TMEM245: variants seen among roughly 807,000 people sequenced by gnomAD.
TMEM245 encodes the protein protein CG-2.
A neutral mutation model predicts 101.2 loss-of-function variants in TMEM245; 69 were observed. The observed-to-expected ratio is 0.68, with a 90% CI of 0.56 to 0.83. The LOEUF is 0.83. Among genes scored for constraint, TMEM245 ranks in the 40% least tolerant of loss-of-function variants. The probability of loss-of-function intolerance (pLI) is 0.00; values close to 1 mark genes in which losing one functional copy is unlikely to be tolerated. For missense variants in TMEM245, 1,075 were observed against 1,092.8 expected (o/e 0.98, Z 0.23); for synonymous variants, 537 against 449.8 (o/e 1.19, Z -2.45).
rs112600664 is a variant in TMEM245, at chr9:109,038,360, T to C, written c.2124-243A>G. On this transcript the variant is annotated intron_variant, in intron 14 of 17. Coordinates refer to ENST00000374586, the MANE Select transcript of TMEM245 (RefSeq NM_032012.4). ...GGAAATATGTTTACTATTCCTTAAA[T>C]TTCTGATGAAAAAATAACTGAAACA... 170 of 300,598 alleles carry C rather than the reference T, an allele frequency of 5.7e-4. 1 individual carries two copies. The highest frequency in any genetic ancestry group is 3.4e-3 in the African/African-American group (157 of 46,202). 18.6% of individuals were successfully genotyped at this position (300,598 alleles called of 1,614,324 possible).
At chr9:109,105,928 C>A (rs1303755738) in intron 3 of TMEM245, among the ~76,000 whole-genome samples, 2 of 152,192 alleles carry the variant, frequency 1.3e-5, no homozygotes, top group Non-Finnish European at 2.9e-5. Context: ...ACATGCCAAC[C>A]ATGCCCAGCT....
chr9:109,085,931 G>C (rs1025071229), intron 7 of TMEM245, 66 bp downstream of exon 7: 1 of 1,544,290 alleles, frequency 6.5e-7, no homozygotes, highest in Non-Finnish European at 9.0e-7. Context: ...AACATAGAGT[G>C]AAAAAGGCGA....
chr9:109,099,134 C>T (rs1830218661), intron 3 of TMEM245, among the ~76,000 whole-genome samples: 1 of 152,186 alleles, frequency 6.6e-6, no homozygotes, highest in African/African-American at 2.4e-5. Context: ...TGCAAAGTTC[C>T]CTTTGAAGAA....
intron 7 of TMEM245, among the ~76,000 whole-genome samples, chr9:109,085,003 C>T (rs1829789819): frequency 1.3e-5 from 2 of 152,080 alleles, no homozygotes; most frequent in African/African-American, 4.8e-5. Context: ...TTTCTTAAGG[C>T]CTGATATAAT....
intron 14 of TMEM245, among the ~76,000 whole-genome samples, chr9:109,045,379 C>T (rs765404675): frequency 6.6e-6 from 1 of 152,162 alleles, no homozygotes; most frequent in Non-Finnish European, 1.5e-5. Context: ...AGGGGATGAG[C>T]TGCTTACGTG....
Position 109,090,227 on chromosome 9 carries a change from A to G in TMEM245, c.1150+695T>C, listed in dbSNP as rs557888040. 1.1e-4 allele frequency among the ~76,000 whole-genome samples: 17 copies of G among 151,752 alleles called. No homozygotes were observed. In the East Asian group the frequency reaches 2.9e-3, roughly 26 times the overall value. On this transcript the variant is annotated intron_variant, in intron 5 of 17. Coordinates refer to ENST00000374586, the MANE Select transcript of TMEM245 (RefSeq NM_032012.4). ...AGTGAGCTGAGATCGCGCCACTGCA[A>G]TCCAGCCTGGGTGACAGAGCGAGAC...
At chr9:109,027,700 T>TCG (rs1827829519) in intron 17 of TMEM245, among the ~76,000 whole-genome samples, 1 of 151,980 alleles carries the variant, frequency 6.6e-6, no homozygotes, top group South Asian at 2.1e-4. Flanking sequence ...AGACAGAGTC[T>TCG]CGCTCTGTTG....
intron 6 of TMEM245, among the ~76,000 whole-genome samples, 198 bp from the exon 7 acceptor site, chr9:109,086,218 A>G (rs1032485982): frequency 1.3e-5 from 2 of 152,214 alleles, no homozygotes; most frequent in Non-Finnish European, 2.9e-5. Flanking sequence ...AAGATATATA[A>G]TGATTGAAAT....
Position 109,090,929 on chromosome 9 carries a change from C to A in TMEM245, c.1143G>T (p.Pro381=). ...NLWIVQLLPV[P]IAVWILKKLV... The stretch of plus-strand genomic sequence containing the variant: ...ACTTAACCAGATAACGACCTGCAAT[C>A]GGCACTGGCAGCAACTGCACAATCC... Residue 381 remains proline, a synonymous_variant, in exon 5 of 18, where the codon CCG becomes CCT. Coordinates refer to ENST00000374586, the MANE Select transcript of TMEM245 (RefSeq NM_032012.4). The A allele has an allele frequency of 3.1e-6, 5 of 1,613,976 alleles. No homozygotes were observed. Among genetic ancestry groups the A allele is most frequent in the Admixed American group, 1.7e-5 (1 of 60,020 alleles).
At chr9:109,028,406 A>C (rs1827851743) in intron 17 of TMEM245, among the ~76,000 whole-genome samples, 1 of 151,030 alleles carries the variant, frequency 6.6e-6, no homozygotes. Context: ...GTGAGCCAAG[A>C]TCATGCCACT....
At chr9:109,094,428 C>A (rs1175777415) in intron 3 of TMEM245, among the ~76,000 whole-genome samples, 1 of 152,196 alleles carries the variant, frequency 6.6e-6, no homozygotes, top group African/African-American at 2.4e-5. Context: ...GACTTGAGAG[C>A]CTGAAGTGGC....
At chr9:109,047,288 T>C (rs1052135909) in intron 14 of TMEM245, among the ~76,000 whole-genome samples, 2 of 152,220 alleles carry the variant, frequency 1.3e-5, no homozygotes, top group African/African-American at 4.8e-5. Flanking sequence ...ATAATTAGTG[T>C]ATGCACTCCC....
intron 7 of TMEM245, among the ~76,000 whole-genome samples, chr9:109,081,942 A>C (rs1277185000): frequency 6.6e-6 from 1 of 152,184 alleles, no homozygotes; most frequent in Non-Finnish European, 1.5e-5. Context: ...CTTTCATGCA[A>C]AGCTACCATC....
In TMEM245 at chr9:109,073,622, G is replaced by A. The variant is rs1056903103; in HGVS notation, c.1450-184C>T. Reference sequence around the variant, plus strand: ...CATTATATCTAATGATACGCACTACGGGAAATAAAAAGTACATGCTAGCTC... The same window carrying A: ...CATTATATCTAATGATACGCACTACAGGAAATAAAAAGTACATGCTAGCTC... On this transcript the variant is annotated intron_variant, in intron 8 of 17. Transcript: ENST00000374586. Among the ~76,000 whole-genome samples the A allele has an allele frequency of 2.6e-5, 4 of 151,998 alleles. 1 individual carries two copies. Among genetic ancestry groups the A allele is most frequent in the Non-Finnish European group, 4.4e-5 (3 of 68,012 alleles).
intron 8 of TMEM245, among the ~76,000 whole-genome samples, chr9:109,078,519 T>TA (rs1829581790): frequency 6.6e-6 from 1 of 152,250 alleles, no homozygotes; most frequent in African/African-American, 2.4e-5. Context: ...TCACTGACTA[T>TA]AAAAGTATTG....
intron 3 of TMEM245, among the ~76,000 whole-genome samples, chr9:109,095,459 C>G (rs1830114621): frequency 1.3e-5 from 2 of 152,098 alleles, no homozygotes; most frequent in African/African-American, 4.8e-5. Flanking sequence ...GTGAGAAGAA[C>G]CCGGCATATT....
chr9:109,029,694 T>A (rs1014705097), intron 17 of TMEM245, among the ~76,000 whole-genome samples: 46 of 152,102 alleles, frequency 3.0e-4, no homozygotes, highest in Non-Finnish European at 4.4e-4. Flanking sequence ...GAAATAAGGA[T>A]TCCAATGCAA....
In TMEM245 at chr9:109,108,518, G is replaced by A. The variant is rs755009630; in HGVS notation, c.632C>T (p.Ala211Val). Residue 211 changes from alanine (A) to valine (V), a missense_variant, in exon 2 of 18, where the codon GCA (alanine) becomes GTA (valine). This residue lies in a region of TMEM245 where 808 missense variants were observed against 741.5 expected (regional missense o/e 1.09). Transcript: ENST00000374586. Reference sequence around the variant, plus strand: ...TGCTCTCAAGTAGCGTTCAGTGCTTGCATTCCACTTGAATGAAACAGTCAA... The same window carrying A: ...TGCTCTCAAGTAGCGTTCAGTGCTTACATTCCACTTGAATGAAACAGTCAA... Reference protein sequence around the residue: ...YVLTVSFKWNASTERYLRAVS... With the variant: ...YVLTVSFKWNVSTERYLRAVS... 2 of 1,609,432 alleles carry A rather than the reference G, an allele frequency of 1.2e-6. No individual in the cohort carries two copies. Among genetic ancestry groups the A allele is most frequent in the Non-Finnish European group, 1.7e-6 (2 of 1,178,144 alleles).
At chr9:109,050,754 T>C (rs373112949) in intron 12 of TMEM245, 62 bp from the exon 13 acceptor site, 1 of 1,595,916 alleles carries the variant, frequency 6.3e-7, no homozygotes. Flanking sequence ...TCTAGAGCCA[T>C]CTAGTGTGCT....
Sources: allele counts gnomAD v4.1 joint callset (sites outside exome capture counted in the v4.1 genomes callset), GRCh38; gene constraint gnomAD v4.1.1; regional missense constraint gnomAD v4.1.1; transcripts MANE v1.5; gene names NCBI Gene and HGNC (gene_info 2026-07-23, HGNC 2026-07-21).